SLC1A3: variants seen among roughly 807,000 people sequenced by gnomAD.
SLC1A3 encodes excitatory amino acid transporter 1.
In SLC1A3, 21 loss-of-function variants were observed where a neutral mutation model predicts 48.1. The observed-to-expected ratio is 0.44, with a 90% CI of 0.31 to 0.63. The LOEUF (loss-of-function observed/expected upper bound fraction) is 0.63. SLC1A3 is among the 20% of genes least tolerant of loss of function. The probability of loss-of-function intolerance (pLI) is 0.08; values close to 1 mark genes in which losing one functional copy is unlikely to be tolerated. For synonymous variants in SLC1A3, 239 were observed against 251.4 expected (o/e 0.95, Z 0.47); for missense variants, 546 against 689.0 (o/e 0.79, Z 2.32).
chr5:36,653,207 A>G lies in SLC1A3; in HGVS notation c.320-17822A>G, dbSNP rs115638532. Among the ~76,000 whole-genome samples the G allele has an allele frequency of 3.5e-3, 527 of 152,320 alleles. 3 individuals are homozygous for G. The highest frequency in any genetic ancestry group is 0.012 in the African/African-American group (498 of 41,562). On this transcript the variant is annotated intron_variant, in intron 3 of 9. Transcript: ENST00000265113. ...TCACACTTCTCAGCAGCTGCTTACA[A>G]TTCTTTCACGTTCCCTCCCCAAGGA...
chr5:36,684,492 T>C (rs1742567966), intron 9 of SLC1A3, among the ~76,000 whole-genome samples: 1 of 152,148 alleles, frequency 6.6e-6, no homozygotes, highest in Admixed American at 6.5e-5. Flanking sequence ...TGGAATTGAG[T>C]TTCGGATCTA....
chr5:36,679,598 C>CCA (rs745888888), intron 6 of SLC1A3, 29 bp from the exon 7 acceptor site: 2 of 1,507,848 alleles, frequency 1.3e-6, no homozygotes, highest in South Asian at 2.2e-5. Flanking sequence ...AAACCAGACT[C>CCA]CAACCGTGCT....
chr5:36,604,408 G>A (rs749335803), upstream of SLC1A3, among the ~76,000 whole-genome samples: 14 of 152,082 alleles, frequency 9.2e-5, no homozygotes, highest in African/African-American at 1.9e-4. Flanking sequence ...AGAAATACGC[G>A]TTGAGGAAAC....
intron 2 of SLC1A3, among the ~76,000 whole-genome samples, chr5:36,624,587 C>A (rs1282062088): frequency 2.0e-5 from 3 of 152,190 alleles, no homozygotes; most frequent in Non-Finnish European, 4.4e-5. Flanking sequence ...AGGCAATGTG[C>A]TTGTGAGGAC....
chr5:36,613,117 T>G, intron 2 of SLC1A3: 1 of 263,176 alleles, frequency 3.8e-6, no homozygotes, highest in Non-Finnish European at 7.7e-6. Flanking sequence ...AGTTTGGACC[T>G]GTTGAGTTTG....
intron 2 of SLC1A3, among the ~76,000 whole-genome samples, chr5:36,617,981 T>TCTC (rs75939711): frequency 0.11 from 16,768 of 152,152 alleles, 1,356 homozygotes; most frequent in East Asian, 0.29. Flanking sequence ...AGTCATTTGC[T>TCTC]ACAAATGTGG....
intron 3 of SLC1A3, among the ~76,000 whole-genome samples, chr5:36,648,132 T>C (rs990260216): frequency 3.3e-5 from 5 of 152,200 alleles, no homozygotes; most frequent in African/African-American, 1.2e-4. Flanking sequence ...ATGCGAGGAA[T>C]AGTGTTTTAT....
chr5:36,674,631 A>T lies in SLC1A3; in HGVS notation c.567+540A>T, dbSNP rs371252517. 3.9e-5 allele frequency among the ~76,000 whole-genome samples: 6 copies of T among 152,290 alleles called. No individual in the cohort carries two copies. In the South Asian group the frequency reaches 6.2e-4, roughly 16 times the overall value. ...CACTAACATTATTTTTAGTCCTCAC[A>T]TAAATACTATAAATATCATTGTCTT... On this transcript the variant is annotated intron_variant, in intron 5 of 9. Coordinates refer to ENST00000265113, the MANE Select transcript of SLC1A3 (RefSeq NM_004172.5).
At chr5:36,634,269 C>T (rs929745378) in intron 3 of SLC1A3, among the ~76,000 whole-genome samples, 2 of 123,208 alleles carry the variant, frequency 1.6e-5, no homozygotes, top group African/African-American at 7.9e-5. Flanking sequence ...GAGTGAGGCT[C>T]TGTCTCAAAA....
rs531895169 is a variant in SLC1A3, at chr5:36,599,108, G to T, written c.-96+2430G>T. Among the ~76,000 whole-genome samples, 5 of 152,254 alleles carry T rather than the reference G, an allele frequency of 3.3e-5. No homozygotes were observed. The East Asian group carries it at 9.6e-4, about 29-fold the overall frequency. On this transcript the variant is annotated intron_variant, in intron 1 of 9. Transcript: ENST00000680318. ...CAAATCCTACTAACTCTATTCAAGT[G>T]CTCAATGGTTACATGTGGCTAGTGA... is the stretch of plus-strand genomic sequence containing the variant.
rs989317386 is a variant in SLC1A3 at position 36,597,295 on chromosome 5, A to G, written c.-96+617A>G. On this transcript the variant is annotated intron_variant, in intron 1 of 9. Coordinates refer to the SLC1A3 transcript ENST00000680318. ...GGAGTCTTGCTCTGTCGCCCAGGCT[A>G]GAGTGCAGTGGTGCGATCTCGGCTC... Among the ~76,000 whole-genome samples the G allele has an allele frequency of 2.3e-4, 26 of 110,810 alleles. No homozygotes were observed. The East Asian group carries it at 2.5e-3, about 10-fold the overall frequency. 72.7% of individuals were successfully genotyped at this position (110,810 alleles called of 152,430 possible). A position where few individuals can be genotyped will look rare whatever the true frequency, so the allele number is the denominator to read the frequency against.
chr5:36,638,361 C>T (rs1202553818), intron 3 of SLC1A3, among the ~76,000 whole-genome samples: 1 of 152,222 alleles, frequency 6.6e-6, no homozygotes, highest in Non-Finnish European at 1.5e-5. Flanking sequence ...GGCAGAAACC[C>T]TGTCCCTCTC....
At chr5:36,646,254 T>A (rs967807606) in intron 3 of SLC1A3, among the ~76,000 whole-genome samples, 2 of 152,232 alleles carry the variant, frequency 1.3e-5, no homozygotes. Flanking sequence ...TCTGGAATTG[T>A]AAAGAACGCT....
At chr5:36,601,593 C>T (rs1431034484), upstream of SLC1A3, among the ~76,000 whole-genome samples, 2 of 152,164 alleles carry the variant, frequency 1.3e-5, no homozygotes, top group African/African-American at 4.8e-5. Context: ...ACTGACTTGA[C>T]TTCCTCATTC....
intron 9 of SLC1A3, among the ~76,000 whole-genome samples, chr5:36,684,496 G>T (rs3776587): frequency 6.6e-6 from 1 of 152,088 alleles, no homozygotes; most frequent in Non-Finnish European, 1.5e-5. Flanking sequence ...ATTGAGTTTC[G>T]GATCTAGGGA....
intron 1 of SLC1A3, among the ~76,000 whole-genome samples, chr5:36,598,681 G>A (rs1473373192): frequency 1.3e-5 from 2 of 152,162 alleles, no homozygotes; most frequent in Admixed American, 6.5e-5. Context: ...GAGTGTAGTG[G>A]CACGAACACA....
chr5:36,616,355 G>T (rs1739433182), intron 2 of SLC1A3, among the ~76,000 whole-genome samples: 1 of 152,206 alleles, frequency 6.6e-6, no homozygotes, highest in Non-Finnish European at 1.5e-5. Context: ...AAAAGGTTTA[G>T]ATAAAGGAAG....
intron 1 of SLC1A3, among the ~76,000 whole-genome samples, chr5:36,596,781 T>G (rs1302777377): frequency 6.6e-6 from 1 of 152,218 alleles, no homozygotes; most frequent in African/African-American, 2.4e-5. Context: ...GAAAGGTGCT[T>G]CTTCTAGTCT....
chr5:36,635,725 A>G (rs1740315719), intron 3 of SLC1A3, among the ~76,000 whole-genome samples: 1 of 152,156 alleles, frequency 6.6e-6, no homozygotes, highest in African/African-American at 2.4e-5. Flanking sequence ...CAAATTCCAC[A>G]CACTGCACCC....
Sources: allele counts gnomAD v4.1 joint callset (sites outside exome capture counted in the v4.1 genomes callset), GRCh38; gene constraint gnomAD v4.1.1; transcripts MANE v1.5; gene names NCBI Gene and HGNC (gene_info 2026-07-23, HGNC 2026-07-21).